DCDC2: variants seen among roughly 807,000 people sequenced by gnomAD.
DCDC2 encodes the protein doublecortin domain-containing protein 2.
In DCDC2, 40 loss-of-function variants were observed where a neutral mutation model predicts 50.2. The ratio of observed to expected loss-of-function variants is 0.80; its 90% confidence interval spans 0.62 to 1.04. The LOEUF (loss-of-function observed/expected upper bound fraction) is 1.04. Among genes scored for constraint, DCDC2 ranks in the 50% least tolerant of loss-of-function variants. The pLI, the probability that DCDC2 is intolerant of heterozygous loss-of-function variation, is 0.00. For synonymous variants in DCDC2, 234 were observed against 210.6 expected, an observed-to-expected ratio of 1.11 and a Z score of -0.96; for missense variants, 570 against 581.9, an observed-to-expected ratio of 0.98 and a Z score of 0.21.
At chr6:24,377,044 C>T in the DCDC2 span, among the ~76,000 whole-genome samples, 3 of 152,170 alleles carry the variant, frequency 2.0e-5, no homozygotes, top group Admixed American at 1.3e-4. Flanking sequence ...TTTAACTAGC[C>T]ATCTGGAGGA....
intron 6 of DCDC2, among the ~76,000 whole-genome samples, chr6:24,282,086 T>C (rs1273110945): frequency 6.6e-6 from 1 of 152,072 alleles, no homozygotes; most frequent in East Asian, 1.9e-4. Context: ...GGGTGTCCTA[T>C]GCAAAAACTA....
chr6:24,307,313 C>T (rs1759490974), intron 2 of DCDC2, among the ~76,000 whole-genome samples: 1 of 152,052 alleles, frequency 6.6e-6, no homozygotes, highest in African/African-American at 2.4e-5. Flanking sequence ...TTGTAATGAC[C>T]ACAAACCTCT....
chr6:24,340,471 T>C (rs1760134919), intron 2 of DCDC2, among the ~76,000 whole-genome samples: 1 of 152,178 alleles, frequency 6.6e-6, no homozygotes, highest in Non-Finnish European at 1.5e-5. Flanking sequence ...AAACAAGCTA[T>C]GCATTTGCAA....
intron 8 of DCDC2, among the ~76,000 whole-genome samples, chr6:24,183,535 C>A (rs966299854): frequency 1.3e-5 from 2 of 152,052 alleles, no homozygotes; most frequent in Non-Finnish European, 2.9e-5. Flanking sequence ...TGGTTCCCCA[C>A]GAACAAGTCA....
intron 7 of DCDC2, among the ~76,000 whole-genome samples, chr6:24,236,266 A>G (rs574434023): frequency 1.3e-5 from 2 of 152,172 alleles, no homozygotes; most frequent in Admixed American, 1.3e-4. Flanking sequence ...AGAGAACCCA[A>G]AAATAAAGCT....
chr6:24,231,717 T>A (rs555852607), intron 7 of DCDC2, among the ~76,000 whole-genome samples: 1 of 151,664 alleles, frequency 6.6e-6, no homozygotes, highest in East Asian at 1.9e-4. Context: ...AAAACAGAAC[T>A]GTAATTATTT....
chr6:24,201,213 C>G (rs1379198288), intron 8 of DCDC2, among the ~76,000 whole-genome samples: 4 of 152,124 alleles, frequency 2.6e-5, no homozygotes, highest in African/African-American at 7.2e-5. Context: ...CTTCTCAGCA[C>G]CACATCACAC....
chr6:24,347,323 T>A (rs142069628), intron 2 of DCDC2, among the ~76,000 whole-genome samples: 24 of 152,296 alleles, frequency 1.6e-4, no homozygotes, highest in Non-Finnish European at 2.6e-4. Flanking sequence ...GTAAGCTCCA[T>A]GGACAGAAAC....
chr6:24,302,503 C>T (rs189656966), intron 2 of DCDC2, among the ~76,000 whole-genome samples: 102 of 152,098 alleles, frequency 6.7e-4, no homozygotes, highest in African/African-American at 2.3e-3. Flanking sequence ...AAGTGCCTGA[C>T]CCCACCCTTT....
At chr6:24,341,059 G>A (rs1760146289) in intron 2 of DCDC2, among the ~76,000 whole-genome samples, 1 of 152,172 alleles carries the variant, frequency 6.6e-6, no homozygotes, top group African/African-American at 2.4e-5. Context: ...TGGCAGCCCA[G>A]TTACATATGG....
intron 8 of DCDC2, among the ~76,000 whole-genome samples, chr6:24,185,627 T>G (rs970825589): frequency 1.3e-4 from 19 of 151,702 alleles, no homozygotes; most frequent in Non-Finnish European, 2.2e-4. Context: ...ATGTTTCCAG[T>G]GTACACATCA....
At chr6:24,215,580 G>T (rs1170054589) in intron 7 of DCDC2, among the ~76,000 whole-genome samples, 1 of 152,144 alleles carries the variant, frequency 6.6e-6, no homozygotes, top group Non-Finnish European at 1.5e-5. Context: ...GTGAGACCAG[G>T]CAAGACTGTA....
intron 2 of DCDC2, among the ~76,000 whole-genome samples, chr6:24,322,492 C>CTTTTTT (rs56932924): frequency 1.4e-5 from 2 of 142,350 alleles, no homozygotes; most frequent in Non-Finnish European, 1.5e-5. Context: ...GTTTTCCTTC[C>CTTTTTT]TTTTTTTTTT....
chr6:24,216,705 CCT>C (rs1312452048), intron 7 of DCDC2, among the ~76,000 whole-genome samples: 5 of 152,244 alleles, frequency 3.3e-5, no homozygotes, highest in Non-Finnish European at 7.3e-5. Flanking sequence ...TTTTGCTAAA[CCT>C]CTGTCTCTAA....
At chr6:24,272,314 A>G (rs1214299069) in intron 7 of DCDC2, among the ~76,000 whole-genome samples, 1 of 152,184 alleles carries the variant, frequency 6.6e-6, no homozygotes, top group Non-Finnish European at 1.5e-5. Flanking sequence ...TATCATTCCA[A>G]TAAGTGGATC....
At chr6:24,271,889 A>G (rs559791199) in intron 7 of DCDC2, among the ~76,000 whole-genome samples, 1 of 152,332 alleles carries the variant, frequency 6.6e-6, no homozygotes, top group South Asian at 2.1e-4. Context: ...ATACCTCTGT[A>G]ATTCAACACC....
intron 7 of DCDC2, 159 bp from the exon 8 acceptor site, chr6:24,205,261 C>A (rs1027403544): frequency 9.0e-6 from 14 of 1,563,334 alleles, no homozygotes; most frequent in East Asian, 4.8e-5. Context: ...ACCACACCAC[C>A]CCCAGTTGTT....
the DCDC2 span, among the ~76,000 whole-genome samples, chr6:24,368,448 T>C: frequency 6.6e-6 from 1 of 152,100 alleles, no homozygotes; most frequent in African/African-American, 2.4e-5. Context: ...CAAAAGAAAT[T>C]AGTGGGAAAA....
chr6:24,366,174 A>G, the DCDC2 span, among the ~76,000 whole-genome samples: 4 of 152,334 alleles, frequency 2.6e-5, no homozygotes, highest in African/African-American at 4.8e-5. Context: ...ATGAGTAGAA[A>G]CAATCTCCTA....
Sources: gnomAD v4.1 joint callset for allele counts (sites outside exome capture counted in the v4.1 genomes callset) on GRCh38, gnomAD v4.1.1 for gene constraint, MANE v1.5 for transcripts, NCBI Gene and HGNC (gene_info 2026-07-23, HGNC 2026-07-21) for gene names.